The following ZNF831 variants were observed in gnomAD, a reference collection of about 807,000 sequenced individuals.
ZNF831 encodes zinc finger protein 831, also known as chromosome 20 open reading frame 174.
In ZNF831, 59 loss-of-function variants were observed where a neutral mutation model predicts 95.8. The observed-to-expected ratio is 0.62, with a 90% CI of 0.50 to 0.77. ZNF831 has a LOEUF of 0.77. ZNF831 is among the 30% of genes least tolerant of loss of function. The probability of loss-of-function intolerance (pLI) is 0.00; values close to 1 mark genes in which losing one functional copy is unlikely to be tolerated. For missense variants in ZNF831, 2,205 were observed against 2,164.0 expected (o/e 1.02, Z -0.38); for synonymous variants, 961 against 925.5 (o/e 1.04, Z -0.70).
chr20:59,219,404 G>A (rs753109318), intron 4 of ZNF831, among the ~76,000 whole-genome samples: 12 of 152,182 alleles, frequency 7.9e-5, no homozygotes, highest in Non-Finnish European at 1.6e-4. Context: ...TGTCCTTAGG[G>A]AGAGCCCAGT....
At chr20:59,239,248 C>T (rs562507511) in intron 4 of ZNF831, among the ~76,000 whole-genome samples, 2 of 152,194 alleles carry the variant, frequency 1.3e-5, no homozygotes, top group East Asian at 3.9e-4. Context: ...CGCTTCCAGC[C>T]CTCAGGTTTT....
chr20:59,165,041 T>G (rs1396699545), intron 1 of ZNF831, among the ~76,000 whole-genome samples: 1 of 152,202 alleles, frequency 6.6e-6, no homozygotes, highest in Admixed American at 6.5e-5. Flanking sequence ...TAAGAGCAAG[T>G]ATTTAGGACC....
At chr20:59,199,170 C>T (rs972714044) in intron 3 of ZNF831, among the ~76,000 whole-genome samples, 1 of 151,194 alleles carries the variant, frequency 6.6e-6, no homozygotes, top group African/African-American at 2.4e-5. Flanking sequence ...AAGAAGGAAG[C>T]CTACTTCTTG....
intron 4 of ZNF831, among the ~76,000 whole-genome samples, chr20:59,212,299 T>C (rs1276266747): frequency 3.3e-5 from 5 of 152,220 alleles, no homozygotes; most frequent in Non-Finnish European, 7.3e-5. Context: ...TGAAGTCATC[T>C]GTAAGCAGAA....
At chr20:59,240,015 G>A (rs567827453) in intron 4 of ZNF831, among the ~76,000 whole-genome samples, 1 of 151,934 alleles carries the variant, frequency 6.6e-6, no homozygotes, top group African/African-American at 2.4e-5. Flanking sequence ...ACCACCCCCA[G>A]GGGAGGATTC....
chr20:59,158,323 G>C (rs1164331615), intron 2 of ZNF831, among the ~76,000 whole-genome samples: 1 of 152,364 alleles, frequency 6.6e-6, no homozygotes, highest in East Asian at 1.9e-4. Flanking sequence ...AGCCATCTCC[G>C]TCAATGTGAC....
chr20:59,184,982 C>T (rs1187354016), intron 1 of ZNF831, among the ~76,000 whole-genome samples: 3 of 152,144 alleles, frequency 2.0e-5, no homozygotes, highest in African/African-American at 4.8e-5. Flanking sequence ...ATGAGGGATG[C>T]GCCAAGTTCC....
intron 1 of ZNF831, among the ~76,000 whole-genome samples, chr20:59,183,259 C>T (rs1289386242): frequency 6.6e-6 from 1 of 152,198 alleles, no homozygotes; most frequent in Non-Finnish European, 1.5e-5. Flanking sequence ...CTGACCTTAC[C>T]CTCCTGCCTG....
intron 1 of ZNF831, among the ~76,000 whole-genome samples, chr20:59,125,858 G>T (rs1979156172): frequency 6.6e-6 from 1 of 152,132 alleles, no homozygotes; most frequent in South Asian, 2.1e-4. Context: ...ATTTTGAAGT[G>T]ATAATTTAAA....
At chr20:59,132,178 G>A (rs1343759225) in intron 1 of ZNF831, among the ~76,000 whole-genome samples, 5 of 151,902 alleles carry the variant, frequency 3.3e-5, no homozygotes, top group Non-Finnish European at 7.4e-5. Flanking sequence ...ATCTTTGTGA[G>A]TTAAAAAATA....
At position 59,253,103 on chromosome 20, in the gene ZNF831, A is replaced by G; in HGVS notation, c.4153A>G (p.Arg1385Gly). 6.2e-7 allele frequency: 1 copy of G among 1,614,164 alleles called. No individual in the cohort carries two copies. The highest frequency in any genetic ancestry group is 8.5e-7 in the Non-Finnish European group (1 of 1,180,000). The stretch of plus-strand genomic sequence containing the variant: ...AACCCTCTCTCTTGGTACAAGTTCA[A>G]GAATTGTCAGGGAAATGGACAAACG... ...LGTLSLGTSS[R>G]IVREMDKRTV... is the part of the protein sequence containing the mutation. Residue 1385 changes from arginine to glycine, a missense_variant, in exon 5 of 6, where the codon AGA becomes GGA. By Grantham distance (125) the Arg-to-Gly change is moderately radical. Transcript: ENST00000371030.
intron 4 of ZNF831, among the ~76,000 whole-genome samples, chr20:59,245,054 A>G (rs1427613376): frequency 6.6e-6 from 1 of 152,188 alleles, no homozygotes; most frequent in Non-Finnish European, 1.5e-5. Context: ...CAATATTTTT[A>G]ACAGTATTTT....
chr20:59,184,449 T>C (rs1186950576), intron 1 of ZNF831, among the ~76,000 whole-genome samples: 2 of 149,848 alleles, frequency 1.3e-5, no homozygotes, highest in African/African-American at 4.9e-5. Flanking sequence ...ACAACATACA[T>C]AAAATATAAC....
rs2146547061 is a variant in ZNF831 at position 59,191,388 on chromosome 20, C to G, written c.369C>G (p.Val123=). Residue 123 remains valine (V), a synonymous_variant, in exon 2 of 6, where the codon GTC becomes GTG. Coordinates refer to ENST00000371030, the MANE Select transcript of ZNF831 (RefSeq NM_178457.3). ...TGAACATCGTGGGCACTCTGCCTGT[C>G]CTGTCGCCGGGCCTGGGCCCCACGC... ...LTVNIVGTLP[V]LSPGLGPTLG... 1.9e-6 allele frequency: 3 copies of G among 1,609,848 alleles called. No homozygotes were observed. The highest frequency in any genetic ancestry group is 2.5e-6 in the Non-Finnish European group (3 of 1,178,260).
chr20:59,162,247 C>G (rs190750969), upstream of ZNF831, among the ~76,000 whole-genome samples: 1 of 152,256 alleles, frequency 6.6e-6, no homozygotes, highest in Admixed American at 6.5e-5. Context: ...CATAGAAACA[C>G]TTTGGTTTAA....
At chr20:59,237,741 A>G (rs1229635599) in intron 4 of ZNF831, among the ~76,000 whole-genome samples, 1 of 152,122 alleles carries the variant, frequency 6.6e-6, no homozygotes, top group East Asian at 1.9e-4. Flanking sequence ...AGATGTCTTT[A>G]TTGATGATAA....
intron 4 of ZNF831, among the ~76,000 whole-genome samples, chr20:59,218,732 G>C (rs530674095): frequency 5.3e-5 from 8 of 152,242 alleles, no homozygotes; most frequent in African/African-American, 1.9e-4. Flanking sequence ...CATGTACTGA[G>C]GGTTGGGTTG....
Position 59,212,342 on chromosome 20 carries a change from C to T in ZNF831, c.4027+5286C>T, listed in dbSNP as rs1985396760. 2.0e-5 allele frequency among the ~76,000 whole-genome samples: 3 copies of T among 152,126 alleles called. No individual in the cohort carries two copies. The South Asian group carries it at 6.2e-4, about 32-fold the overall frequency. ...GGAGTTATGAAGGATAAAGACCTACCGTGTAAGATTGTACATCGATTGGAG... is the reference window on the plus strand; with the variant it reads ...GGAGTTATGAAGGATAAAGACCTACTGTGTAAGATTGTACATCGATTGGAG... On this transcript the variant is annotated intron_variant, in intron 4 of 5. Coordinates refer to ENST00000371030, the MANE Select transcript of ZNF831 (RefSeq NM_178457.3).
chr20:59,125,395 A>G (rs1467575131), intron 1 of ZNF831, among the ~76,000 whole-genome samples: 1 of 152,174 alleles, frequency 6.6e-6, no homozygotes, highest in African/African-American at 2.4e-5. Flanking sequence ...AAGTGGCCCC[A>G]GCATCATCAG....
Sources: allele counts gnomAD v4.1 joint callset (sites outside exome capture counted in the v4.1 genomes callset), GRCh38; gene constraint gnomAD v4.1.1; transcripts MANE v1.5; gene names NCBI Gene and HGNC (gene_info 2026-07-23, HGNC 2026-07-21).